Variants in THSD4 observed in about 807,000 individuals in gnomAD.
THSD4 encodes the protein thrombospondin type 1 domain containing 4, also known as thrombospondin type-1 domain-containing protein 4.
Under a neutral mutation model 119.0 loss-of-function variants are expected in THSD4, and 69 were observed. The observed-to-expected ratio is 0.58, with a 90% CI of 0.48 to 0.71. The LOEUF is 0.71. Ranked by LOEUF, THSD4 falls within the 30% of genes least tolerant of loss-of-function variation. The probability of loss-of-function intolerance (pLI) is 0.00; values close to 1 mark genes in which losing one functional copy is unlikely to be tolerated. For missense variants in THSD4, 1,393 were observed against 1,391.1 expected (o/e 1.00, Z -0.02); for synonymous variants, 524 against 540.4 (o/e 0.97, Z 0.42).
chr15:71,455,506 A>G (rs1189216213), intron 7 of THSD4, among the ~76,000 whole-genome samples: 1 of 152,160 alleles, frequency 6.6e-6, no homozygotes, highest in African/African-American at 2.4e-5. Flanking sequence ...ATGAGTAGCC[A>G]TCATTCCATG....
At chr15:71,555,014 A>C (rs2048996764) in intron 7 of THSD4, among the ~76,000 whole-genome samples, 1 of 151,954 alleles carries the variant, frequency 6.6e-6, no homozygotes, top group Admixed American at 6.6e-5. Flanking sequence ...GACAACCATC[A>C]CCCTGAATTT....
upstream of THSD4, among the ~76,000 whole-genome samples, chr15:71,114,448 T>C (rs2040335392): frequency 6.6e-6 from 1 of 152,194 alleles, no homozygotes; most frequent in African/African-American, 2.4e-5. Flanking sequence ...GGGAAACGCC[T>C]GTATCTGGAC....
At chr15:71,643,006 A>G (rs1226789573) in intron 7 of THSD4, among the ~76,000 whole-genome samples, 1 of 152,176 alleles carries the variant, frequency 6.6e-6, no homozygotes, top group Non-Finnish European at 1.5e-5. Context: ...CCTGGGTTAC[A>G]TTCCTGCTCA....
chr15:71,533,264 G>C (rs753516499), intron 7 of THSD4, among the ~76,000 whole-genome samples: 1 of 152,166 alleles, frequency 6.6e-6, no homozygotes, highest in Non-Finnish European at 1.5e-5. Context: ...ATTTGCAAGT[G>C]GGAGAAAATA....
rs369059029 is a variant in THSD4, at chr15:71,571,244, C to T, written c.1153-89286C>T. On this transcript the variant is annotated intron_variant, in intron 7 of 17. Coordinates refer to ENST00000261862, the MANE Select transcript of THSD4 (RefSeq NM_024817.3). ...TTTTCCTTTTAAAACTTCTCTTGAG[C>T]CCAAAAATCACATGGACACATCTTG... Among the ~76,000 whole-genome samples the T allele has an allele frequency of 3.3e-4, 50 of 151,916 alleles. 2 individuals are homozygous for T. In the East Asian group the frequency reaches 6.4e-3, roughly 19 times the overall value.
chr15:71,614,730 A>G (rs1308460255), intron 7 of THSD4, among the ~76,000 whole-genome samples: 1 of 152,218 alleles, frequency 6.6e-6, no homozygotes, highest in African/African-American at 2.4e-5. Flanking sequence ...CCAAAGAAAA[A>G]ATGAGATTCT....
chr15:71,536,655 A>G (rs1375727896), intron 7 of THSD4, among the ~76,000 whole-genome samples: 1 of 152,230 alleles, frequency 6.6e-6, no homozygotes, highest in East Asian at 1.9e-4. Flanking sequence ...TTATGTACAC[A>G]TTGTGACTGA....
At chr15:71,633,395 C>T (rs1312749166) in intron 7 of THSD4, among the ~76,000 whole-genome samples, 1 of 151,548 alleles carries the variant, frequency 6.6e-6, no homozygotes, top group Middle Eastern at 3.2e-3. Context: ...CCCATCTCAG[C>T]CTCCCCATTA....
chr15:71,631,046 C>G (rs2050618364), intron 7 of THSD4, among the ~76,000 whole-genome samples: 1 of 152,180 alleles, frequency 6.6e-6, no homozygotes. Context: ...CCCAGTGTCT[C>G]CTGGGGAGGG....
At chr15:71,718,300 T>G (rs17799395) in intron 8 of THSD4, among the ~76,000 whole-genome samples, 6 of 152,136 alleles carry the variant, frequency 3.9e-5, no homozygotes, top group Admixed American at 3.9e-4. Flanking sequence ...ATGAGACCCA[T>G]TGACAAAATT....
intron 3 of THSD4, among the ~76,000 whole-genome samples, chr15:71,163,638 G>A (rs1027105538): frequency 1.6e-4 from 25 of 151,908 alleles, no homozygotes; most frequent in East Asian, 3.9e-4. Context: ...GGGGCAAACC[G>A]TAATATAGGA....
intron 7 of THSD4, among the ~76,000 whole-genome samples, chr15:71,477,447 T>C (rs1343923078): frequency 6.6e-6 from 1 of 152,218 alleles, no homozygotes; most frequent in African/African-American, 2.4e-5. Context: ...AGACAGCTCT[T>C]GTGCCTGGAA....
In THSD4 at chr15:71,782,912, G is replaced by A. The variant is rs573378181; in HGVS notation, c.*5538G>A. 1.5e-4 allele frequency: 23 copies of A among 152,388 alleles called. No homozygotes were observed. The highest frequency in any genetic ancestry group is 3.4e-4 in the African/African-American group (14 of 41,562). 9.4% of individuals were successfully genotyped at this position (152,388 alleles called of 1,614,324 possible). On this transcript the variant is annotated 3_prime_UTR_variant, in exon 18 of 18. Transcript: ENST00000261862. The stretch of plus-strand genomic sequence containing the variant: ...TTGTCCCCGTTGTTAGACTGGCAGC[G>A]TCAGTTGCTCGGTGGGCTTGGTTAG...
In THSD4 at chr15:71,588,029, G is replaced by A. The variant is rs1013446581; in HGVS notation, c.1153-72501G>A. ...CATTGTCAAGAATCTTGTCATGGCC[G>A]GGCGCGGTGGCTCACGCCTGTAATC... is the stretch of plus-strand genomic sequence containing the variant. On this transcript the variant is annotated intron_variant, in intron 7 of 17. Coordinates refer to ENST00000261862, the MANE Select transcript of THSD4 (RefSeq NM_024817.3). Among the ~76,000 whole-genome samples the A allele has an allele frequency of 2.6e-5, 4 of 152,106 alleles. No homozygotes were observed. In the East Asian group the frequency reaches 5.8e-4, roughly 22 times the overall value.
intron 8 of THSD4, among the ~76,000 whole-genome samples, chr15:71,718,099 T>C (rs964061694): frequency 1.3e-5 from 2 of 148,706 alleles, no homozygotes; most frequent in African/African-American, 2.5e-5. Context: ...CAGTGAGCCA[T>C]GATCATGCCA....
At chr15:71,428,095 A>G (rs766315602) in intron 7 of THSD4, among the ~76,000 whole-genome samples, 59 of 152,160 alleles carry the variant, frequency 3.9e-4, no homozygotes, top group Non-Finnish European at 7.8e-4. Flanking sequence ...ACTTCAGCAG[A>G]GAAAAGTCCT....
At position 71,417,386 on chromosome 15, in the gene THSD4, T is replaced by C. The variant is rs185289797; in HGVS notation, c.1152+5563T>C. Among the ~76,000 whole-genome samples, 3 of 108,616 alleles carry C rather than the reference T, an allele frequency of 2.8e-5. 1 individual carries two copies. The highest frequency in any genetic ancestry group is 1.2e-4 in the Admixed American group (1 of 8,386). The allele number at this position is 108,616 out of a possible 152,430, so 71.3% of individuals were successfully genotyped here. On this transcript the variant is annotated intron_variant, in intron 7 of 17. Coordinates refer to ENST00000261862, the MANE Select transcript of THSD4 (RefSeq NM_024817.3). ...GTTTGAGGTCTTAGATTTAAGTGTTTAATCCATTTTGGTTTGATTTTTGCA... is the reference window on the plus strand; with the variant it reads ...GTTTGAGGTCTTAGATTTAAGTGTTCAATCCATTTTGGTTTGATTTTTGCA...
At chr15:71,140,308 G>C (rs2040590325) in intron 1 of THSD4, among the ~76,000 whole-genome samples, 1 of 152,158 alleles carries the variant, frequency 6.6e-6, no homozygotes, top group African/African-American at 2.4e-5. Flanking sequence ...GGTGGAGAAG[G>C]AAGGGCAGCC....
At chr15:71,561,592 G>C (rs1457138326) in intron 7 of THSD4, among the ~76,000 whole-genome samples, 2 of 152,056 alleles carry the variant, frequency 1.3e-5, no homozygotes, top group Non-Finnish European at 2.9e-5. Flanking sequence ...TCCTAGAGAG[G>C]GGAGGTATAC....
Sources: allele counts gnomAD v4.1 joint callset (sites outside exome capture counted in the v4.1 genomes callset), GRCh38; gene constraint gnomAD v4.1.1; transcripts MANE v1.5; gene names NCBI Gene and HGNC (gene_info 2026-07-23, HGNC 2026-07-21).